CAST: variants seen among roughly 807,000 people sequenced by gnomAD.
CAST encodes the protein calpastatin.
Under a neutral mutation model 119.6 loss-of-function variants are expected in CAST, and 76 were observed. The ratio of observed to expected loss-of-function variants is 0.64; its 90% CI spans 0.53 to 0.77. The LOEUF (loss-of-function observed/expected upper bound fraction) is 0.77, where lower values mean the gene tolerates loss of function less well. Ranked by LOEUF, CAST falls within the 30% of genes least tolerant of loss-of-function variation. CAST has a pLI of 0.00. For missense variants in CAST, 953 were observed against 946.5 expected, an observed-to-expected ratio of 1.01 and a Z score of -0.09; for synonymous variants, 319 against 331.6, an observed-to-expected ratio of 0.96 and a Z score of 0.41.
chr5:96,519,577 T>C, the CAST span, among the ~76,000 whole-genome samples: 5 of 152,196 alleles, frequency 3.3e-5, no homozygotes, highest in African/African-American at 1.2e-4. Flanking sequence ...TTTCATGGCA[T>C]GATTTTTAAT....
In CAST at chr5:96,748,601, T is replaced by C; in HGVS notation, c.1416T>C (p.Thr472=). 3 of 1,485,868 alleles carry C rather than the reference T, an allele frequency of 2.0e-6. No individual in the cohort carries two copies. Among genetic ancestry groups the C allele is most frequent in the Non-Finnish European group, 2.8e-6 (3 of 1,065,458 alleles). 92.0% of individuals were successfully genotyped at this position (1,485,868 alleles called of 1,614,324 possible). A position where few individuals can be genotyped will look rare whatever the true frequency, so the allele number is the denominator to read the frequency against. The change falls in exon 19 of 32, where the codon ACT becomes ACC. Residue 472 remains threonine, a synonymous_variant. Coordinates refer to ENST00000675179, the MANE Select transcript of CAST (RefSeq NM_001750.7). ...SECKEKPSKP[T]EKTEESKAAA... Reference sequence around the variant, plus strand: ...GTAAAGAGAAACCATCTAAGCCAACTGAAAAGACAGAAGTATGTTTCTAAA... The same window carrying C: ...GTAAAGAGAAACCATCTAAGCCAACCGAAAAGACAGAAGTATGTTTCTAAA...
the CAST span, among the ~76,000 whole-genome samples, chr5:96,265,693 A>G: frequency 6.6e-6 from 1 of 152,312 alleles, no homozygotes; most frequent in African/African-American, 2.4e-5. Flanking sequence ...ATGTTTTACC[A>G]GTTATCTGGG....
intron 1 of CAST, among the ~76,000 whole-genome samples, chr5:96,554,008 C>T (rs932528962): frequency 6.6e-6 from 1 of 152,254 alleles, no homozygotes; most frequent in African/African-American, 2.4e-5. Flanking sequence ...TAATGCTATC[C>T]CCATCAAGCT....
chr5:96,521,859 C>A (rs188325326), upstream of CAST, among the ~76,000 whole-genome samples: 3 of 152,296 alleles, frequency 2.0e-5, 1 homozygote, highest in South Asian at 6.2e-4. Context: ...TGGCTCCGGA[C>A]TGTAATCCCA....
At chr5:96,064,778 G>A in the CAST span, among the ~76,000 whole-genome samples, 13 of 152,096 alleles carry the variant, frequency 8.5e-5, no homozygotes, top group East Asian at 3.9e-4. Flanking sequence ...CTAGTCTTTC[G>A]TAGAAAGGTA....
chr5:96,663,189 G>C (rs1444298401), intron 1 of CAST: 7 of 702,696 alleles, frequency 1.0e-5, no homozygotes, highest in Non-Finnish European at 1.6e-5. Context: ...GGTTGTGCCT[G>C]GGCAGGACCC....
At chr5:96,308,244 C>A in the CAST span, among the ~76,000 whole-genome samples, 4 of 151,610 alleles carry the variant, frequency 2.6e-5, no homozygotes, top group African/African-American at 9.7e-5. Flanking sequence ...TTGGTCAATT[C>A]GGCTATTGAT....
the CAST span, among the ~76,000 whole-genome samples, chr5:96,500,300 G>A: frequency 6.6e-5 from 10 of 152,290 alleles, no homozygotes; most frequent in East Asian, 1.9e-4. Flanking sequence ...CAATATCTGC[G>A]AAGCACATTA....
chr5:96,372,899 A>G, the CAST span, among the ~76,000 whole-genome samples: 3 of 152,140 alleles, frequency 2.0e-5, no homozygotes, highest in Non-Finnish European at 4.4e-5. Flanking sequence ...TCATCAATTT[A>G]TACTTAACCC....
At chr5:96,078,375 A>G in the CAST span, among the ~76,000 whole-genome samples, 17 of 151,228 alleles carry the variant, frequency 1.1e-4, no homozygotes, top group East Asian at 1.2e-3. Context: ...ACAGGGGTAA[A>G]TTTTCATGAA....
chr5:96,616,723 T>TTG (rs1561431216), intron 1 of CAST, among the ~76,000 whole-genome samples: 23 of 136,242 alleles, frequency 1.7e-4, no homozygotes, highest in African/African-American at 6.9e-4. Flanking sequence ...CACCAAGCGC[T>TTG]CGCTCGCTCT....
chr5:96,747,480 T>C lies in CAST; in HGVS notation c.1332+88T>C, dbSNP rs989791248. The C allele has an allele frequency of 3.5e-6, 3 of 868,792 alleles. No homozygotes were observed. The African/African-American group carries it at 5.0e-5, about 15-fold the overall frequency. The allele number at this position is 868,792 out of a possible 1,614,324, so 53.8% of individuals were successfully genotyped here. On this transcript the variant is annotated intron_variant, in intron 18 of 31. Coordinates refer to ENST00000675179, the MANE Select transcript of CAST (RefSeq NM_001750.7). ...ATAATTTTGACAGTCTGGAATTCAC[T>C]GTGCAGACTTGCATGCTAACCTAGT...
At chr5:96,709,708 A>G (rs1034179683) in intron 3 of CAST, among the ~76,000 whole-genome samples, 13 of 152,298 alleles carry the variant, frequency 8.5e-5, no homozygotes, top group African/African-American at 2.2e-4. Context: ...GATGATATTC[A>G]TATCACTCTA....
chr5:96,056,826 A>G, the CAST span, among the ~76,000 whole-genome samples: 5 of 152,174 alleles, frequency 3.3e-5, no homozygotes, highest in African/African-American at 1.2e-4. Context: ...ATTTTAAAGC[A>G]TATGTGTGGG....
the CAST span, among the ~76,000 whole-genome samples, chr5:96,254,316 T>A: frequency 1.3e-5 from 2 of 152,122 alleles, no homozygotes; most frequent in Non-Finnish European, 2.9e-5. Flanking sequence ...TCAGTGACTT[T>A]ATGTTATTAC....
At chr5:96,377,242 A>G in the CAST span, among the ~76,000 whole-genome samples, 17 of 152,164 alleles carry the variant, frequency 1.1e-4, no homozygotes, top group African/African-American at 3.6e-4. Context: ...TTAATTTATT[A>G]TAGAACAAAT....
At chr5:96,518,164 A>G in the CAST span, among the ~76,000 whole-genome samples, 1 of 152,354 alleles carries the variant, frequency 6.6e-6, no homozygotes, top group Non-Finnish European at 1.5e-5. Flanking sequence ...AGAAAAAAAC[A>G]TAGTAGTGAA....
the CAST span, among the ~76,000 whole-genome samples, chr5:96,480,474 A>C: frequency 2.0e-5 from 3 of 152,194 alleles, no homozygotes; most frequent in South Asian, 6.2e-4. Flanking sequence ...TGTCTTGTAG[A>C]CCATTGTCTC....
At chr5:96,632,997 A>C in intron 1 of CAST, among the ~76,000 whole-genome samples, 1 of 152,048 alleles carries the variant, frequency 6.6e-6, no homozygotes, top group East Asian at 1.9e-4. Context: ...TTGAGACAGA[A>C]TTTTGCTCTA....
Sources: gnomAD v4.1 joint callset for allele counts (sites outside exome capture counted in the v4.1 genomes callset) on GRCh38, gnomAD v4.1.1 for gene constraint, MANE v1.5 for transcripts, NCBI Gene and HGNC (gene_info 2026-07-23, HGNC 2026-07-21) for gene names.